Variants in CENPP observed in about 807,000 individuals in gnomAD.
CENPP encodes the protein centromere protein P.
In CENPP, 24 loss-of-function variants were observed where a neutral mutation model predicts 35.6. That is an observed-to-expected ratio of 0.67 (90% confidence interval 0.49 to 0.95). The LOEUF (loss-of-function observed/expected upper bound fraction) is 0.95. Ranked by LOEUF, CENPP falls within the 40% of genes least tolerant of loss-of-function variation. The pLI is 0.00. For synonymous variants in CENPP, 120 were observed against 125.5 expected (o/e 0.96, Z 0.29); for missense variants, 332 against 345.3 (o/e 0.96, Z 0.31).
intron 5 of CENPP, among the ~76,000 whole-genome samples, chr9:92,530,775 G>A (rs933127872): frequency 1.3e-5 from 2 of 152,200 alleles, no homozygotes; most frequent in Admixed American, 1.3e-4. Flanking sequence ...TGGTACTGAA[G>A]TTTGGGATAT....
At position 92,546,366 on chromosome 9, in the gene CENPP, G is replaced by C. The variant is rs1055986566; in HGVS notation, c.565-64948G>C. On this transcript the variant is annotated intron_variant, in intron 5 of 7. Coordinates refer to ENST00000375587, the MANE Select transcript of CENPP (RefSeq NM_001012267.3). ...CACTGTGTGGAAGCTTTGTTCTTTTGCTCTTTGCAATAAATCTTGCTGCTG... is the reference window on the plus strand; with the variant it reads ...CACTGTGTGGAAGCTTTGTTCTTTTCCTCTTTGCAATAAATCTTGCTGCTG... Among the ~76,000 whole-genome samples, 3 of 152,180 alleles carry C rather than the reference G, an allele frequency of 2.0e-5. No individual in the cohort carries two copies. The South Asian group carries it at 6.2e-4, about 32-fold the overall frequency.
At chr9:92,358,101 A>G (rs958392141) in intron 4 of CENPP, among the ~76,000 whole-genome samples, 1 of 148,860 alleles carries the variant, frequency 6.7e-6, no homozygotes, top group African/African-American at 2.5e-5. Flanking sequence ...TTTTATATTC[A>G]TATCTTTCAT....
intron 5 of CENPP, among the ~76,000 whole-genome samples, chr9:92,418,261 A>G (rs775122544): frequency 4.7e-5 from 7 of 149,670 alleles, no homozygotes; most frequent in Non-Finnish European, 5.9e-5. Context: ...TAATTTTTGT[A>G]TTGTTAGTAG....
chr9:92,514,731 G>C lies in CENPP; in HGVS notation c.565-96583G>C. On this transcript the variant is annotated intron_variant, in intron 5 of 7. Coordinates refer to ENST00000375587, the MANE Select transcript of CENPP (RefSeq NM_001012267.3). Reference sequence around the variant, plus strand: ...TGGTCCTGTAGGACAGAGAGCACCCGCTTGGCAGGCGCAGTGTGCCTCTGG... The same window carrying C: ...TGGTCCTGTAGGACAGAGAGCACCCCCTTGGCAGGCGCAGTGTGCCTCTGG... 3 of 1,607,892 alleles carry C rather than the reference G, an allele frequency of 1.9e-6. No homozygotes were observed. The highest frequency in any genetic ancestry group is 2.6e-6 in the Non-Finnish European group (3 of 1,174,472).
In CENPP at chr9:92,345,586, A is replaced by G. The variant is rs371425724; in HGVS notation, c.379-113A>G. 3.5e-4 allele frequency: 223 copies of G among 638,154 alleles called. 2 individuals are homozygous for G. The East Asian group carries it at 4.9e-3, about 14-fold the overall frequency. The allele number at this position is 638,154 out of a possible 1,614,324, so 39.5% of individuals were successfully genotyped here. A position where few individuals can be genotyped will look rare whatever the true frequency, so the allele number is the denominator to read the frequency against. ...TTTTTGTTTTTGTTTTGTTTCTGTCATGATTACTCTTTCCTTTTATTTGGT... is the reference window on the plus strand; with the variant it reads ...TTTTTGTTTTTGTTTTGTTTCTGTCGTGATTACTCTTTCCTTTTATTTGGT... On this transcript the variant is annotated intron_variant, in intron 3 of 7. Transcript: ENST00000375587.
At chr9:92,507,722 C>T (rs1043904924) in intron 5 of CENPP, among the ~76,000 whole-genome samples, 2 of 152,180 alleles carry the variant, frequency 1.3e-5, no homozygotes, top group African/African-American at 4.8e-5. Flanking sequence ...TTAGTGACAA[C>T]AAAAATGCTT....
intron 5 of CENPP, among the ~76,000 whole-genome samples, chr9:92,508,267 C>T (rs779715981): frequency 1.3e-5 from 2 of 152,198 alleles, no homozygotes; most frequent in Non-Finnish European, 2.9e-5. Flanking sequence ...GTATCTGAGC[C>T]GGAGGACAGA....
intron 5 of CENPP, among the ~76,000 whole-genome samples, chr9:92,416,058 G>GTGTATATA (rs6151074): frequency 6.9e-5 from 9 of 130,916 alleles, no homozygotes; most frequent in South Asian, 5.0e-4. Flanking sequence ...ATATATGTGT[G>GTGTATATA]TATATATATA....
At chr9:92,416,793 G>A (rs1191751976) in intron 5 of CENPP, 3 of 1,613,862 alleles carry the variant, frequency 1.9e-6, no homozygotes, top group Non-Finnish European at 2.5e-6. Context: ...AGTTTTGGAA[G>A]TTTGTCGAAG....
At chr9:92,357,468 A>G (rs1841621145) in intron 4 of CENPP, among the ~76,000 whole-genome samples, 1 of 4,808 alleles carries the variant, frequency 2.1e-4, no homozygotes, top group Non-Finnish European at 6.3e-4. Flanking sequence ...CCTCATTATT[A>G]TTATTATTAT....
At chr9:92,537,795 GA>G (rs541663517) in intron 5 of CENPP, among the ~76,000 whole-genome samples, 94 of 152,310 alleles carry the variant, frequency 6.2e-4, no homozygotes, top group Admixed American at 2.5e-3. Flanking sequence ...TAACAGTCAA[GA>G]AAAGTAAATT....
At chr9:92,603,245 C>T (rs1396501399) in intron 5 of CENPP, among the ~76,000 whole-genome samples, 1 of 152,238 alleles carries the variant, frequency 6.6e-6, no homozygotes, top group Non-Finnish European at 1.5e-5. Flanking sequence ...CCGGCAGTAC[C>T]TGTTCACTCG....
intron 5 of CENPP, among the ~76,000 whole-genome samples, chr9:92,426,064 A>G (rs149292423): frequency 6.6e-6 from 1 of 152,344 alleles, no homozygotes; most frequent in Non-Finnish European, 1.5e-5. Flanking sequence ...CAGACAGAAT[A>G]AAAATGTCTA....
At chr9:92,573,109 C>T (rs1036411346) in intron 5 of CENPP, among the ~76,000 whole-genome samples, 9 of 152,218 alleles carry the variant, frequency 5.9e-5, no homozygotes, top group Non-Finnish European at 8.8e-5. Context: ...TCGTCAAAGT[C>T]ATTCTCCGTC....
intron 4 of CENPP, among the ~76,000 whole-genome samples, chr9:92,370,060 A>C (rs1841973822): frequency 6.6e-6 from 1 of 152,208 alleles, no homozygotes; most frequent in African/African-American, 2.4e-5. Context: ...CTTTTTCTGC[A>C]TCAATTGAGA....
At chr9:92,453,277 C>T (rs1588139626) in intron 5 of CENPP, among the ~76,000 whole-genome samples, 1 of 152,126 alleles carries the variant, frequency 6.6e-6, no homozygotes, top group African/African-American at 2.4e-5. Flanking sequence ...TTGAATGTGT[C>T]CCAGGGATTC....
At position 92,619,128 on chromosome 9, in the gene CENPP, C is replaced by G. The variant is rs1394290335; in HGVS notation, c.*5979C>G. The G allele has an allele frequency of 4.1e-6, 1 of 242,330 alleles. No homozygotes were observed. The highest frequency in any genetic ancestry group is 8.1e-6 in the Non-Finnish European group (1 of 122,746). The allele number at this position is 242,330 out of a possible 1,614,324, so 15.0% of individuals were successfully genotyped here. On this transcript the variant is annotated 3_prime_UTR_variant, in exon 8 of 8. Coordinates refer to ENST00000375587, the MANE Select transcript of CENPP (RefSeq NM_001012267.3). ...GCTGCCACTGTGGGAGACCGAGGAA[C>G]AAGGGCCACAGGTACCCACACATCT...
intron 5 of CENPP, among the ~76,000 whole-genome samples, chr9:92,406,884 G>A (rs768113412): frequency 6.6e-6 from 1 of 152,126 alleles, no homozygotes; most frequent in Non-Finnish European, 1.5e-5. Context: ...GGTATTACCC[G>A]CACTTCTGAT....
intron 4 of CENPP, among the ~76,000 whole-genome samples, chr9:92,377,913 A>T (rs561283604): frequency 3.3e-4 from 50 of 152,236 alleles, no homozygotes; most frequent in African/African-American, 1.2e-3. Context: ...TTAGGATTTC[A>T]TAAACAGATG....
Sources: allele counts gnomAD v4.1 joint callset (sites outside exome capture counted in the v4.1 genomes callset), GRCh38; gene constraint gnomAD v4.1.1; transcripts MANE v1.5; gene names NCBI Gene and HGNC (gene_info 2026-07-23, HGNC 2026-07-21).